The following GRK3 variants were observed in gnomAD, a reference collection of about 807,000 sequenced individuals.
GRK3 encodes G protein-coupled receptor kinase 3, also known as adrenergic, beta, receptor kinase 2.
Under a neutral mutation model 95.7 loss-of-function variants are expected in GRK3, and 54 were observed. The observed-to-expected ratio is 0.56, with a 90% CI of 0.45 to 0.71. The LOEUF is 0.71. Among genes scored for constraint, GRK3 ranks in the 30% least tolerant of loss-of-function variants. The pLI is 0.00. For synonymous variants in GRK3, 281 were observed against 290.8 expected (o/e 0.97, Z 0.34); for missense variants, 649 against 851.2 (o/e 0.76, Z 2.96).
chr22:25,643,038 C>T (rs1255833570), intron 2 of GRK3, among the ~76,000 whole-genome samples: 1 of 152,212 alleles, frequency 6.6e-6, no homozygotes, highest in Non-Finnish European at 1.5e-5. Flanking sequence ...AATTAAACTA[C>T]ACCCTTCTGA....
intron 2 of GRK3, among the ~76,000 whole-genome samples, chr22:25,621,741 C>G (rs1040614817): frequency 1.7e-4 from 26 of 152,168 alleles, no homozygotes; most frequent in African/African-American, 6.3e-4. Context: ...TAAAGTTGAG[C>G]CCAGCCATGG....
At chr22:25,638,324 T>C (rs1271877536) in intron 2 of GRK3, among the ~76,000 whole-genome samples, 1 of 152,198 alleles carries the variant, frequency 6.6e-6, no homozygotes, top group Non-Finnish European at 1.5e-5. Context: ...ATGTCTTCTG[T>C]TACATGATAA....
At chr22:25,693,546 C>T (rs1188302163) in intron 12 of GRK3, among the ~76,000 whole-genome samples, 1 of 152,130 alleles carries the variant, frequency 6.6e-6, no homozygotes, top group Non-Finnish European at 1.5e-5. Context: ...CACAGCGTGG[C>T]CTGATGACCT....
intron 12 of GRK3, among the ~76,000 whole-genome samples, chr22:25,694,484 A>G (rs1404990059): frequency 1.3e-5 from 2 of 152,232 alleles, no homozygotes; most frequent in Non-Finnish European, 2.9e-5. Context: ...CCTGAAAATC[A>G]TCTTCACATT....
chr22:25,630,587 C>G (rs8139606), intron 2 of GRK3, among the ~76,000 whole-genome samples: 1 of 152,152 alleles, frequency 6.6e-6, no homozygotes, highest in African/African-American at 2.4e-5. Flanking sequence ...AGAATTTTCT[C>G]GCCCCTACAT....
chr22:25,627,060 GTCA>G (rs559356559), intron 2 of GRK3, among the ~76,000 whole-genome samples: 205 of 152,234 alleles, frequency 1.3e-3, no homozygotes, highest in African/African-American at 4.8e-3. Context: ...GCAGATAAGT[GTCA>G]TATTGCAGAG....
In GRK3 at chr22:25,704,150, C is replaced by G; in HGVS notation, c.1269C>G (p.Ser423=). ...LPDTFSPELK[S]LLEGLLQRDV... is the part of the protein sequence containing the mutation. ...ACACCTTCTCTCCTGAACTGAAGTC[C>G]CTTTTGGAGGGCTTGCTTCAGCGAG... The change falls in exon 15 of 21, where the codon TCC becomes TCG. Residue 423 remains serine, a synonymous_variant. Coordinates refer to ENST00000324198, the MANE Select transcript of GRK3 (RefSeq NM_005160.4). The G allele has an allele frequency of 6.2e-7, 1 of 1,613,614 alleles. No individual in the cohort carries two copies. Among genetic ancestry groups the G allele is most frequent in the East Asian group, 2.2e-5 (1 of 44,852 alleles).
intron 9 of GRK3, 58 bp from the exon 10 acceptor site, chr22:25,685,112 A>G: frequency 9.3e-7 from 1 of 1,080,168 alleles, no homozygotes; most frequent in Non-Finnish European, 1.4e-6. Context: ...GTTTGGTGGT[A>G]GATGTGCTTT....
chr22:25,726,730 T>C lies in GRK3; in HGVS notation c.*4280T>C, dbSNP rs2085477231. ...ACAGGAGAGTTTTCCTTATGATAAT[T>C]ATTCTGAGACTTGGTCACTTTGTTT... On this transcript the variant is annotated 3_prime_UTR_variant, in exon 21 of 21. Transcript: ENST00000324198. The C allele has an allele frequency of 6.6e-6, 1 of 152,146 alleles. No individual in the cohort carries two copies. Among genetic ancestry groups the C allele is most frequent in the African/African-American group, 2.4e-5 (1 of 41,442 alleles). 9.4% of individuals were successfully genotyped at this position (152,146 alleles called of 1,614,324 possible).
At chr22:25,573,134 A>T (rs1235622098) in intron 1 of GRK3, among the ~76,000 whole-genome samples, 1 of 152,246 alleles carries the variant, frequency 6.6e-6, no homozygotes, top group Admixed American at 6.5e-5. Context: ...CTAGCTCAAG[A>T]TGCCTTTTAT....
intron 2 of GRK3, among the ~76,000 whole-genome samples, chr22:25,636,744 T>G (rs906769726): frequency 5.3e-5 from 8 of 152,204 alleles, no homozygotes; most frequent in Non-Finnish European, 1.0e-4. Context: ...TTTTCTGATT[T>G]TTTTTTTAAA....
chr22:25,634,324 C>T (rs2084684769), intron 2 of GRK3, among the ~76,000 whole-genome samples: 1 of 152,094 alleles, frequency 6.6e-6, no homozygotes. Flanking sequence ...GTCAGTGGGG[C>T]TGTCTCATGA....
At chr22:25,639,913 G>A (rs2084730503) in intron 2 of GRK3, among the ~76,000 whole-genome samples, 1 of 151,952 alleles carries the variant, frequency 6.6e-6, no homozygotes, top group Non-Finnish European at 1.5e-5. Flanking sequence ...TGTATTGATA[G>A]TTCTTTGTTA....
intron 1 of GRK3, among the ~76,000 whole-genome samples, chr22:25,598,071 A>G (rs1183053195): frequency 1.3e-5 from 2 of 152,238 alleles, no homozygotes; most frequent in Non-Finnish European, 2.9e-5. Context: ...TCGAATGTAA[A>G]GACATTGCAT....
At chr22:25,716,292 G>A (rs1311257769) in intron 18 of GRK3, among the ~76,000 whole-genome samples, 3 of 152,120 alleles carry the variant, frequency 2.0e-5, no homozygotes, top group African/African-American at 7.2e-5. Context: ...CCGGCCATAA[G>A]CTCTTCTTTA....
intron 12 of GRK3, among the ~76,000 whole-genome samples, chr22:25,690,961 G>A (rs1352433672): frequency 6.6e-6 from 1 of 152,174 alleles, no homozygotes; most frequent in African/African-American, 2.4e-5. Context: ...ACACCTCGGG[G>A]ACACCAGACT....
intron 1 of GRK3, among the ~76,000 whole-genome samples, chr22:25,580,005 C>G (rs1459279568): frequency 6.6e-6 from 1 of 152,082 alleles, no homozygotes; most frequent in Non-Finnish European, 1.5e-5. Flanking sequence ...TAACTGTGTA[C>G]CCCCTAATGT....
At position 25,714,437 on chromosome 22, in the gene GRK3, G is replaced by A; in HGVS notation, c.1521G>A (p.Lys507=). The A allele has an allele frequency of 1.2e-6, 2 of 1,611,796 alleles. No homozygotes were observed. The highest frequency in any genetic ancestry group is 1.7e-6 in the Non-Finnish European group (2 of 1,179,452). ...KLLDCDQELY[K]NFPLVISERW... ...TTGATTGCGACCAAGAACTCTACAA[G>A]AACTTCCCTTTGGTCATCTCTGAAC... is the stretch of plus-strand genomic sequence containing the variant. Residue 507 remains lysine, a synonymous_variant, in exon 18 of 21, where the codon AAG becomes AAA. Transcript: ENST00000324198.
chr22:25,712,504 A>G (rs553613050), intron 17 of GRK3, among the ~76,000 whole-genome samples: 7 of 152,380 alleles, frequency 4.6e-5, no homozygotes, highest in African/African-American at 1.7e-4. Flanking sequence ...GAGTACTAAA[A>G]ATAAAACACT....
Sources: allele counts gnomAD v4.1 joint callset (sites outside exome capture counted in the v4.1 genomes callset), GRCh38; gene constraint gnomAD v4.1.1; transcripts MANE v1.5; gene names NCBI Gene and HGNC (gene_info 2026-07-23, HGNC 2026-07-21).